The following CPPED1 variants were observed in gnomAD, a reference collection of about 807,000 sequenced individuals.
CPPED1 encodes the protein calcineurin like phosphoesterase domain containing 1.
In CPPED1, 28 loss-of-function variants were observed where a neutral mutation model predicts 28.0. That is an observed-to-expected ratio of 1.00 (90% CI 0.74 to 1.37). CPPED1 has a LOEUF of 1.37. CPPED1 is among the 40% of genes most tolerant of loss of function. The probability of loss-of-function intolerance (pLI) is 0.00; values close to 1 mark genes in which losing one functional copy is unlikely to be tolerated. For synonymous variants in CPPED1, 198 were observed against 180.2 expected (o/e 1.10, Z -0.79); for missense variants, 504 against 416.5 (o/e 1.21, Z -1.83).
At chr16:12,671,685 G>A (rs1156358124) in intron 3 of CPPED1, among the ~76,000 whole-genome samples, 2 of 152,190 alleles carry the variant, frequency 1.3e-5, no homozygotes, top group African/African-American at 4.8e-5. Flanking sequence ...GGTCAATGAT[G>A]AACGCCATAT....
intron 3 of CPPED1, among the ~76,000 whole-genome samples, chr16:12,669,771 A>G (rs1306505801): frequency 3.3e-5 from 5 of 152,160 alleles, no homozygotes; most frequent in Non-Finnish European, 2.9e-5. Flanking sequence ...AATAAAAGGA[A>G]CTATGGCTCC....
chr16:12,730,163 A>T, intron 2 of CPPED1, among the ~76,000 whole-genome samples: 1 of 151,964 alleles, frequency 6.6e-6, no homozygotes, highest in East Asian at 1.9e-4. Context: ...CGGCCAGCTA[A>T]TTTTTTTTAA....
intron 2 of CPPED1, among the ~76,000 whole-genome samples, chr16:12,732,926 G>T: frequency 6.6e-6 from 1 of 152,206 alleles, no homozygotes. Context: ...GAGAAGCACA[G>T]ATGGTTCCTA....
At chr16:12,723,002 T>A (rs1275943158) in intron 2 of CPPED1, among the ~76,000 whole-genome samples, 2 of 151,550 alleles carry the variant, frequency 1.3e-5, no homozygotes, top group Admixed American at 1.3e-4. Context: ...ATTTCAGGAG[T>A]GGGTTATCAG....
At chr16:12,691,849 A>C in intron 3 of CPPED1, among the ~76,000 whole-genome samples, 1 of 146,958 alleles carries the variant, frequency 6.8e-6, no homozygotes. Flanking sequence ...GCATTAGGAG[A>C]CATGCCTAAT....
At chr16:12,669,025 G>C (rs1009832190) in intron 3 of CPPED1, among the ~76,000 whole-genome samples, 1 of 152,210 alleles carries the variant, frequency 6.6e-6, no homozygotes, top group African/African-American at 2.4e-5. Flanking sequence ...AAAACTTGTA[G>C]GTGAGTGTTC....
intron 2 of CPPED1, among the ~76,000 whole-genome samples, chr16:12,722,522 G>C (rs1226857435): frequency 3.9e-5 from 6 of 152,186 alleles, no homozygotes; most frequent in Non-Finnish European, 8.8e-5. Context: ...CGGATCGCTG[G>C]AGCCCCAGAG....
At chr16:12,680,027 A>T (rs915713064) in intron 3 of CPPED1, among the ~76,000 whole-genome samples, 10 of 152,126 alleles carry the variant, frequency 6.6e-5, no homozygotes, top group Non-Finnish European at 1.3e-4. Context: ...TACCTGGGAG[A>T]CTTTATCTAC....
intron 2 of CPPED1, among the ~76,000 whole-genome samples, chr16:12,780,032 T>C (rs1430408910): frequency 6.6e-6 from 1 of 152,194 alleles, no homozygotes; most frequent in Non-Finnish European, 1.5e-5. Flanking sequence ...GTGTCTGTCA[T>C]CGTTGAATTT....
rs890013553 is a variant in CPPED1, at chr16:12,670,134, A to G, written c.716-5019T>C. The stretch of plus-strand genomic sequence containing the variant: ...CAACACAGTGAGATCCCGTCTCTAC[A>G]AAACATTACAAAATTAGCAGGTGTG... On this transcript the variant is annotated intron_variant, in intron 3 of 3. Transcript: ENST00000381774. The surrounding 1 kb of genome is among the most constrained non-coding windows in gnomAD (Gnocchi z 4.2). Among the ~76,000 whole-genome samples, 1 of 152,184 alleles carries G rather than the reference A, an allele frequency of 6.6e-6. No homozygotes were observed. Among genetic ancestry groups the G allele is most frequent in the Non-Finnish European group, 1.5e-5 (1 of 68,026 alleles).
In CPPED1 at chr16:12,709,286, G is replaced by C. The variant is rs1336817947; in HGVS notation, c.290-4237C>G. Reference sequence around the variant, plus strand: ...GGGGAAAGACTCTGAAAAATGGCAAGACATGACTCAGAAGAGGGGCAGAGA... The same window carrying C: ...GGGGAAAGACTCTGAAAAATGGCAACACATGACTCAGAAGAGGGGCAGAGA... On this transcript the variant is annotated intron_variant, in intron 2 of 3. Coordinates refer to ENST00000381774, the MANE Select transcript of CPPED1 (RefSeq NM_018340.3). The surrounding 1 kb of genome is among the most constrained non-coding windows in gnomAD (Gnocchi z 4.4). Among the ~76,000 whole-genome samples the C allele has an allele frequency of 6.6e-6, 1 of 152,156 alleles. No homozygotes were observed. The highest frequency in any genetic ancestry group is 1.5e-5 in the Non-Finnish European group (1 of 68,042).
chr16:12,782,676 A>C (rs903496007), intron 1 of CPPED1, among the ~76,000 whole-genome samples: 2 of 151,890 alleles, frequency 1.3e-5, no homozygotes, highest in Non-Finnish European at 2.9e-5. Flanking sequence ...CCTGGGCAAC[A>C]TAGTGAAACC....
chr16:12,677,338 T>C lies in CPPED1; in HGVS notation c.716-12223A>G, dbSNP rs1366570232. The stretch of plus-strand genomic sequence containing the variant: ...ATAGACTGGCTGAAATGGAATGACT[T>C]ACAAAAAATTCCAAGGTTGGCTGGG... On this transcript the variant is annotated intron_variant, in intron 3 of 3. Coordinates refer to ENST00000381774, the MANE Select transcript of CPPED1 (RefSeq NM_018340.3). Among the ~76,000 whole-genome samples, 4 of 152,104 alleles carry C rather than the reference T, an allele frequency of 2.6e-5. No individual in the cohort carries two copies. The East Asian group carries it at 5.8e-4, about 22-fold the overall frequency.
Position 12,735,576 on chromosome 16 carries a change from T to A in CPPED1, c.290-30527A>T, listed in dbSNP as rs116063664. ...CACCTTGCATCCCAAAGTGCTGGGA[T>A]TACAGGCACGAGCCACCGTGCCTGG... On this transcript the variant is annotated intron_variant, in intron 2 of 3. Transcript: ENST00000381774. 4.5e-3 allele frequency among the ~76,000 whole-genome samples: 684 copies of A among 152,318 alleles called. 9 individuals are homozygous for A. Among genetic ancestry groups the A allele is most frequent in the African/African-American group, 0.016 (657 of 41,570 alleles).
At chr16:12,764,267 G>C (rs61493690) in intron 2 of CPPED1, among the ~76,000 whole-genome samples, 4 of 151,380 alleles carry the variant, frequency 2.6e-5, no homozygotes, top group Non-Finnish European at 5.9e-5. Flanking sequence ...GCAGTGGTGC[G>C]ATCTCAGCTT....
Position 12,744,297 on chromosome 16 carries a change from A to T in CPPED1, c.289+36888T>A, listed in dbSNP as rs140643602. 4.3e-4 allele frequency among the ~76,000 whole-genome samples: 56 copies of T among 130,272 alleles called. 1 individual carries two copies. In the East Asian group the frequency reaches 1.0e-2, roughly 23 times the overall value. 85.5% of individuals were successfully genotyped at this position (130,272 alleles called of 152,430 possible). On this transcript the variant is annotated intron_variant, in intron 2 of 3. Coordinates refer to ENST00000381774, the MANE Select transcript of CPPED1 (RefSeq NM_018340.3). ...GAGAGAGAGAGAGAGAGAGAGAGAG[A>T]AAGCAAGCAAGCAAGCAAGCAAGCA...
At chr16:12,705,897 A>G (rs943530998) in intron 2 of CPPED1, among the ~76,000 whole-genome samples, 5 of 152,136 alleles carry the variant, frequency 3.3e-5, no homozygotes, top group Non-Finnish European at 7.3e-5. Context: ...TTTCTGTGTC[A>G]TTATCCTTTT....
chr16:12,699,219 T>G (rs989290271), intron 3 of CPPED1, among the ~76,000 whole-genome samples: 4 of 152,230 alleles, frequency 2.6e-5, no homozygotes, highest in Admixed American at 6.5e-5. Flanking sequence ...TTGATTATCC[T>G]CACGCAGGTG....
At chr16:12,776,346 G>C (rs2080497683) in intron 2 of CPPED1, among the ~76,000 whole-genome samples, 1 of 152,172 alleles carries the variant, frequency 6.6e-6, no homozygotes, top group South Asian at 2.1e-4. Context: ...ATTCCACTAA[G>C]TTGGTGGTAA....
Sources: gnomAD v4.1 joint callset for allele counts (sites outside exome capture counted in the v4.1 genomes callset) on GRCh38, gnomAD v4.1.1 for gene constraint, Gnocchi (gnomAD v3.1) non-coding constraint, MANE v1.5 for transcripts, NCBI Gene and HGNC (gene_info 2026-07-23, HGNC 2026-07-21) for gene names.